The following CD96 variants were observed in gnomAD, a reference collection of about 807,000 sequenced individuals.
CD96 encodes T-cell surface protein tactile.
In CD96, 70 loss-of-function variants were observed where a neutral mutation model predicts 71.3. The ratio of observed to expected loss-of-function variants is 0.98; its 90% CI spans 0.81 to 1.20. CD96 has a LOEUF of 1.20. Ranked by LOEUF, CD96 falls within the 50% of genes most tolerant of loss-of-function variation. The pLI, the probability that CD96 is intolerant of heterozygous loss-of-function variation, is 0.00. For missense variants in CD96, 742 were observed against 677.5 expected (o/e 1.10, Z -1.06); for synonymous variants, 248 against 233.0 (o/e 1.06, Z -0.59).
intron 10 of CD96, among the ~76,000 whole-genome samples, chr3:111,636,771 G>A (rs932016388): frequency 6.6e-5 from 10 of 152,136 alleles, no homozygotes; most frequent in African/African-American, 9.7e-5. Flanking sequence ...AGTACAAAGT[G>A]TTTTCGTCCC....
chr3:111,643,872 G>T (rs770229408), intron 12 of CD96, among the ~76,000 whole-genome samples: 55 of 152,166 alleles, frequency 3.6e-4, no homozygotes, highest in Non-Finnish European at 7.6e-4. Flanking sequence ...CCATGCTCAT[G>T]GATGGGTATA....
intron 10 of CD96, 102 bp downstream of exon 10, chr3:111,624,506 C>A (rs1938655019): frequency 3.9e-6 from 3 of 765,492 alleles, no homozygotes; most frequent in South Asian, 2.8e-5. Context: ...ATAATATTTG[C>A]AAATGTTCAC....
In CD96 at chr3:111,576,886, G is replaced by T. The variant is rs113401972; in HGVS notation, c.544-2141G>T. On this transcript the variant is annotated intron_variant, in intron 3 of 13. Coordinates refer to ENST00000352690, the MANE Select transcript of CD96 (RefSeq NM_005816.5). Reference sequence around the variant, plus strand: ...CTCTCCTCCCATTTGCTCTGTGAAGGCAGCCACTCATATGTAAGTTCTTGC... The same window carrying T: ...CTCTCCTCCCATTTGCTCTGTGAAGTCAGCCACTCATATGTAAGTTCTTGC... 3.3e-5 allele frequency among the ~76,000 whole-genome samples: 5 copies of T among 152,092 alleles called. No individual in the cohort carries two copies. The East Asian group carries it at 9.6e-4, about 29-fold the overall frequency.
intron 1 of CD96, among the ~76,000 whole-genome samples, chr3:111,542,638 C>T (rs1217023704): frequency 6.6e-6 from 1 of 152,176 alleles, no homozygotes; most frequent in African/African-American, 2.4e-5. Context: ...CAAATGGTAG[C>T]CAAAACAACT....
intron 8 of CD96, among the ~76,000 whole-genome samples, chr3:111,614,340 G>A (rs553294079): frequency 2.0e-5 from 3 of 152,284 alleles, no homozygotes; most frequent in Admixed American, 6.5e-5. Context: ...GGCGTAAGAA[G>A]AAGAGGGAGA....
chr3:111,545,219 T>G lies in CD96; in HGVS notation c.235T>G (p.Cys79Gly). 1.2e-6 allele frequency: 2 copies of G among 1,614,238 alleles called. No individual in the cohort carries two copies. Among genetic ancestry groups the G allele is most frequent in the Non-Finnish European group, 1.7e-6 (2 of 1,180,038 alleles). Reference protein sequence around the residue: ...AVYHPQYGFYCAYGRPCESLV... With the variant: ...AVYHPQYGFYGAYGRPCESLV... ...CTATCATCCCCAATACGGCTTCTACTGTGCCTATGGGAGACCCTGTGAGTC... is the reference window on the plus strand; with the variant it reads ...CTATCATCCCCAATACGGCTTCTACGGTGCCTATGGGAGACCCTGTGAGTC... The change falls in exon 2 of 14, where the codon TGT (cysteine) becomes GGT (glycine). Residue 79 changes from cysteine (C) to glycine (G), a missense_variant. Physicochemically the swap from Cys to Gly is radical, Grantham distance 159. Transcript: ENST00000352690.
rs371526641 is a variant in CD96, at chr3:111,597,842, T to C, written c.808-278T>C. Among the ~76,000 whole-genome samples the C allele has an allele frequency of 1.7e-4, 26 of 152,302 alleles. 1 individual carries two copies. In the East Asian group the frequency reaches 5.0e-3, roughly 29 times the overall value. On this transcript the variant is annotated intron_variant, in intron 5 of 13. Coordinates refer to ENST00000352690, the MANE Select transcript of CD96 (RefSeq NM_005816.5). ...CTACACAGAGTTAAGATTTCTCCTT[T>C]ACAGAACCCAGAATCCAGACTTGGA... is the stretch of plus-strand genomic sequence containing the variant.
Position 111,579,158 on chromosome 3 carries a change from T to C in CD96, c.675T>C (p.Asp225=), listed in dbSNP as rs1280203046. 1 of 1,609,112 alleles carries C rather than the reference T, an allele frequency of 6.2e-7. No individual in the cohort carries two copies. The highest frequency in any genetic ancestry group is 2.2e-5 in the East Asian group (1 of 44,874). ...LHLSPVQIFD[D]GRKFSCHIRV... ...TCTCTCCAGTCCAAATCTTCGATGA[T>C]GGGCGGAAGTTCTCTTGCCACATTA... Residue 225 remains aspartate (D), a synonymous_variant, in exon 4 of 14, where the codon GAT becomes GAC. Coordinates refer to ENST00000352690, the MANE Select transcript of CD96 (RefSeq NM_005816.5).
chr3:111,614,271 T>G (rs1938109540), intron 8 of CD96, among the ~76,000 whole-genome samples: 1 of 152,194 alleles, frequency 6.6e-6, no homozygotes, highest in Non-Finnish European at 1.5e-5. Context: ...ATTCCCTGAC[T>G]TGGCTTCATC....
chr3:111,653,088 A>G (rs571004339), downstream of CD96, among the ~76,000 whole-genome samples: 3 of 152,248 alleles, frequency 2.0e-5, no homozygotes, highest in South Asian at 6.2e-4. Flanking sequence ...TTGTTTTGCA[A>G]TGGAATATCA....
intron 2 of CD96, among the ~76,000 whole-genome samples, chr3:111,549,251 A>C (rs941060074): frequency 6.6e-6 from 1 of 152,018 alleles, no homozygotes; most frequent in Non-Finnish European, 1.5e-5. Context: ...CTTTACAAAG[A>C]ACAGGACATG....
At chr3:111,611,221 T>C (rs1167505046) in intron 8 of CD96, among the ~76,000 whole-genome samples, 1 of 152,190 alleles carries the variant, frequency 6.6e-6, no homozygotes, top group Non-Finnish European at 1.5e-5. Context: ...CTAGGTCCAG[T>C]CTGCCTCTAA....
intron 5 of CD96, among the ~76,000 whole-genome samples, chr3:111,591,234 G>A (rs754061097): frequency 7.2e-5 from 11 of 151,984 alleles, no homozygotes; most frequent in South Asian, 2.1e-4. Context: ...TTAGCTGGGC[G>A]TGGTGGCACG....
rs1471695857 is a variant in CD96 at position 111,598,141 on chromosome 3, A to C, written c.829A>C (p.Lys277Gln). 1.4e-6 allele frequency: 2 copies of C among 1,473,212 alleles called. No homozygotes were observed. Among genetic ancestry groups the C allele is most frequent in the South Asian group, 2.3e-5 (2 of 88,020 alleles). 91.3% of individuals were successfully genotyped at this position (1,473,212 alleles called of 1,614,324 possible). A position where few individuals can be genotyped will look rare whatever the true frequency, so the allele number is the denominator to read the frequency against. Residue 277 changes from lysine (K) to glutamine (Q), a missense_variant, in exon 6 of 14, where the codon AAG (lysine) becomes CAG (glutamine). Lys to Gln is a moderately conservative substitution (Grantham distance 53). Transcript: ENST00000352690. ...LVERRFTCLLKNVFPKANITW... is the reference protein window; with the variant it reads ...LVERRFTCLLQNVFPKANITW... ...CCAGAGAAGATTTACCTGCTTACTA[A>C]AGAATGTATTTCCCAAAGCAAATAT...
At chr3:111,589,029 C>G (rs1184440335) in intron 5 of CD96, among the ~76,000 whole-genome samples, 7 of 150,758 alleles carry the variant, frequency 4.6e-5, no homozygotes, top group Admixed American at 4.6e-4. Context: ...CTGCTCACTG[C>G]AAGCTCCGCC....
chr3:111,596,558 A>T (rs966792835), intron 5 of CD96, among the ~76,000 whole-genome samples: 1 of 152,228 alleles, frequency 6.6e-6, no homozygotes, highest in Non-Finnish European at 1.5e-5. Context: ...TTGGTGGGTT[A>T]ACTAAAGAGA....
chr3:111,544,691 T>G (rs555173955), intron 1 of CD96, among the ~76,000 whole-genome samples: 3 of 152,314 alleles, frequency 2.0e-5, no homozygotes, highest in Admixed American at 1.3e-4. Context: ...CCAATTATAT[T>G]AAACGTAAGA....
chr3:111,596,165 A>AT (rs1553705145), intron 5 of CD96, among the ~76,000 whole-genome samples: 8 of 151,886 alleles, frequency 5.3e-5, no homozygotes, highest in Non-Finnish European at 1.0e-4. Flanking sequence ...CTGTCTCAAA[A>AT]AAATAAATAA....
chr3:111,590,050 TA>T (rs1312039620), intron 5 of CD96, among the ~76,000 whole-genome samples: 1 of 152,234 alleles, frequency 6.6e-6, no homozygotes, highest in Non-Finnish European at 1.5e-5. Flanking sequence ...ATTTATCATT[TA>T]CCCACTCTCT....
Sources: allele counts gnomAD v4.1 joint callset (sites outside exome capture counted in the v4.1 genomes callset), GRCh38; gene constraint gnomAD v4.1.1; transcripts MANE v1.5; gene names NCBI Gene and HGNC (gene_info 2026-07-23, HGNC 2026-07-21).